NFIB: variants seen among roughly 807,000 people sequenced by gnomAD.
The protein encoded by NFIB is nuclear factor 1 B-type.
Under a neutral mutation model 61.5 loss-of-function variants are expected in NFIB, and 11 were observed. That is an observed-to-expected ratio of 0.18 (90% CI 0.11 to 0.30). The LOEUF is 0.30. Among genes scored for constraint, NFIB ranks in the 10% least tolerant of loss-of-function variants. The probability of loss-of-function intolerance (pLI) is 1.00; values close to 1 mark genes in which losing one functional copy is unlikely to be tolerated. For missense variants in NFIB, 471 were observed against 608.9 expected (o/e 0.77, Z 2.38); for synonymous variants, 260 against 216.5 (o/e 1.20, Z -1.76).
chr9:14,388,256 C>T (rs753872496), intron 1 of NFIB, among the ~76,000 whole-genome samples: 1 of 151,736 alleles, frequency 6.6e-6, no homozygotes, highest in African/African-American at 2.4e-5. Flanking sequence ...ACCTGTAGTC[C>T]CAGCTACATG....
intron 1 of NFIB, among the ~76,000 whole-genome samples, chr9:14,369,250 T>C (rs921433135): frequency 2.0e-5 from 3 of 152,208 alleles, no homozygotes; most frequent in African/African-American, 4.8e-5. Flanking sequence ...AGCACAGTGA[T>C]TTCCCAATCT....
chr9:14,185,335 C>A (rs186420621), intron 2 of NFIB, among the ~76,000 whole-genome samples: 1 of 152,286 alleles, frequency 6.6e-6, no homozygotes, highest in African/African-American at 2.4e-5. Context: ...AGACCCAAAA[C>A]TGATTAAGCT....
chr9:14,354,491 A>G (rs2061152415), intron 1 of NFIB, among the ~76,000 whole-genome samples: 1 of 152,228 alleles, frequency 6.6e-6, no homozygotes, highest in South Asian at 2.1e-4. Context: ...GTTTTCAGCT[A>G]TAATCTGGCT....
chr9:14,302,738 C>T (rs1283709942), intron 2 of NFIB, among the ~76,000 whole-genome samples: 2 of 151,924 alleles, frequency 1.3e-5, no homozygotes, highest in Non-Finnish European at 1.5e-5. Context: ...CCCACTCCCG[C>T]CCCCCGACTC....
intron 10 of NFIB, among the ~76,000 whole-genome samples, chr9:14,106,183 G>T (rs775964433): frequency 1.3e-5 from 2 of 152,028 alleles, no homozygotes; most frequent in African/African-American, 2.4e-5. Context: ...AATTCAGTCT[G>T]TTAGAATTGT....
intron 2 of NFIB, among the ~76,000 whole-genome samples, chr9:14,298,675 C>T (rs2382464): frequency 4.0e-4 from 61 of 151,570 alleles, no homozygotes; most frequent in African/African-American, 1.2e-3. Context: ...GTGTAAAGGG[C>T]GGGCTTGGGC....
intron 2 of NFIB, among the ~76,000 whole-genome samples, chr9:14,289,122 G>GTATATATATA (rs60051220): frequency 4.6e-4 from 65 of 139,906 alleles, no homozygotes; most frequent in African/African-American, 1.7e-3. Context: ...GTGTGTATAT[G>GTATATATATA]TATATATATA....
chr9:14,343,534 C>T (rs2060978528), intron 1 of NFIB, among the ~76,000 whole-genome samples: 1 of 152,178 alleles, frequency 6.6e-6, no homozygotes, highest in Admixed American at 6.5e-5. Flanking sequence ...GGCAGGGATG[C>T]TGGTTCCATG....
chr9:14,216,322 G>A (rs542613419), intron 2 of NFIB, among the ~76,000 whole-genome samples: 1 of 152,220 alleles, frequency 6.6e-6, no homozygotes, highest in East Asian at 1.9e-4. Context: ...GCATTAACAT[G>A]GTGGCATGTA....
intron 2 of NFIB, among the ~76,000 whole-genome samples, chr9:14,226,946 C>A (rs1033806014): frequency 2.4e-4 from 37 of 151,558 alleles, no homozygotes; most frequent in African/African-American, 7.7e-4. Context: ...TCGTGACCAG[C>A]CTGACTAAGA....
the NFIB span, among the ~76,000 whole-genome samples, chr9:14,528,610 T>C: frequency 1.1e-4 from 16 of 152,124 alleles, no homozygotes; most frequent in African/African-American, 3.6e-4. Flanking sequence ...AAAGTAAACT[T>C]ACAAATGTTC....
chr9:14,264,888 T>C (rs1006610254), intron 2 of NFIB, among the ~76,000 whole-genome samples: 1 of 152,156 alleles, frequency 6.6e-6, no homozygotes, highest in African/African-American at 2.4e-5. Flanking sequence ...TAGGATAAGT[T>C]AGGTTCCGTG....
rs368628248 is a variant in NFIB at position 14,270,778 on chromosome 9, A to G, written c.562+36211T>C. ...AAAATTACATATTGAGGTGACAGGA[A>G]ACAAAACAGCATTTTGTCTTAAATT... On this transcript the variant is annotated intron_variant, in intron 2 of 10. Transcript: ENST00000380953. 2.2e-4 allele frequency among the ~76,000 whole-genome samples: 33 copies of G among 152,254 alleles called. No homozygotes were observed. The East Asian group carries it at 5.2e-3, about 24-fold the overall frequency.
chr9:14,341,314 G>A (rs1279360462), intron 1 of NFIB, among the ~76,000 whole-genome samples: 1 of 152,182 alleles, frequency 6.6e-6, no homozygotes, highest in Non-Finnish European at 1.5e-5. Context: ...CGTGGGAGTT[G>A]AAATCTGCAA....
chr9:14,322,086 A>C (rs1402346647), intron 1 of NFIB: 2 of 711,696 alleles, frequency 2.8e-6, no homozygotes, highest in Non-Finnish European at 3.6e-6. Flanking sequence ...TAAAAAAAAA[A>C]AAAAAAAAAA....
chr9:14,175,719 ATG>A (rs1295440958), intron 3 of NFIB, among the ~76,000 whole-genome samples: 1 of 152,202 alleles, frequency 6.6e-6, no homozygotes, highest in Non-Finnish European at 1.5e-5. Context: ...GGAAAGTAGC[ATG>A]TTAAGTCCAT....
chr9:14,478,147 A>G, the NFIB span, among the ~76,000 whole-genome samples: 2 of 152,204 alleles, frequency 1.3e-5, no homozygotes, highest in African/African-American at 2.4e-5. Context: ...ACACACACCT[A>G]CATATTCACA....
intron 6 of NFIB, among the ~76,000 whole-genome samples, chr9:14,134,565 G>C (rs1407142529): frequency 6.6e-6 from 1 of 152,028 alleles, no homozygotes; most frequent in Non-Finnish European, 1.5e-5. Context: ...AAATTCTATG[G>C]TGTAGCCAAA....
At chr9:14,358,243 TTATA>T (rs2061199232) in intron 1 of NFIB, among the ~76,000 whole-genome samples, 1 of 149,326 alleles carries the variant, frequency 6.7e-6, no homozygotes, top group Non-Finnish European at 1.5e-5. Context: ...AATTTTATAT[TTATA>T]TAAAATGTGA....
Sources: allele counts gnomAD v4.1 joint callset (sites outside exome capture counted in the v4.1 genomes callset), GRCh38; gene constraint gnomAD v4.1.1; transcripts MANE v1.5; gene names NCBI Gene and HGNC (gene_info 2026-07-23, HGNC 2026-07-21).